Variants in PIK3CB observed in about 807,000 individuals in gnomAD.
PIK3CB encodes phosphatidylinositol 4,5-bisphosphate 3-kinase catalytic subunit beta isoform.
PIK3CB carries 39 observed loss-of-function variants against 136.8 expected under a neutral mutation model. The ratio of observed to expected loss-of-function variants is 0.29; its 90% confidence interval spans 0.22 to 0.37. The LOEUF (loss-of-function observed/expected upper bound fraction) is 0.37. PIK3CB is among the 10% of genes least tolerant of loss of function. The probability of loss-of-function intolerance (pLI) is 1.00; values close to 1 mark genes in which losing one functional copy is unlikely to be tolerated. For synonymous variants in PIK3CB, 428 were observed against 436.6 expected (o/e 0.98, Z 0.25); for missense variants, 868 against 1,275.4 (o/e 0.68, Z 4.87).
intron 2 of PIK3CB, chr3:138,777,741 C>CT (rs2045876255): frequency 6.5e-6 from 1 of 153,828 alleles, no homozygotes; most frequent in East Asian, 1.9e-4. Context: ...TCATTTTTTT[C>CT]TTAAAAAAAA....
chr3:138,821,052 T>A (rs537836062), intron 1 of PIK3CB, among the ~76,000 whole-genome samples: 2 of 151,680 alleles, frequency 1.3e-5, no homozygotes, highest in African/African-American at 4.8e-5. Flanking sequence ...TTTGGGAGGC[T>A]GAGGCGGGCA....
At chr3:138,695,625 A>T (rs2044119626) in intron 13 of PIK3CB, among the ~76,000 whole-genome samples, 1 of 152,184 alleles carries the variant, frequency 6.6e-6, no homozygotes, top group Non-Finnish European at 1.5e-5. Context: ...AAGTTAACTA[A>T]TTTTTTAAAA....
intron 14 of PIK3CB, among the ~76,000 whole-genome samples, chr3:138,691,619 C>G (rs1265545363): frequency 6.6e-6 from 1 of 152,114 alleles, no homozygotes; most frequent in African/African-American, 2.4e-5. Context: ...ATGGTACTTG[C>G]TTCTCCTTCG....
chr3:138,756,609 C>T (rs575503675), intron 3 of PIK3CB, among the ~76,000 whole-genome samples: 1 of 152,196 alleles, frequency 6.6e-6, no homozygotes, highest in Admixed American at 6.5e-5. Context: ...AAGAAGTTCA[C>T]CACACAAAAA....
intron 19 of PIK3CB, among the ~76,000 whole-genome samples, chr3:138,672,929 A>AAGAG (rs778144963): frequency 7.0e-6 from 1 of 143,136 alleles, no homozygotes; most frequent in Admixed American, 7.0e-5. Context: ...AAAAAAAAAA[A>AAGAG]AGAGAGAGAG....
Position 138,734,730 on chromosome 3 carries a change from C to T in PIK3CB, c.876G>A (p.Met292Ile), listed in dbSNP as rs767606437. The change falls in exon 7 of 24, where the codon ATG becomes ATA. Residue 292 changes from methionine (M) to isoleucine (I), a missense_variant. Coordinates refer to ENST00000674063, the MANE Select transcript of PIK3CB (RefSeq NM_006219.3). ...CTATGGCAATCATTTCTTGTTCATACATTTTCTTGATCTTGCAGCATTCCA... is the reference window on the plus strand; with the variant it reads ...CTATGGCAATCATTTCTTGTTCATATATTTTCTTGATCTTGCAGCATTCCA... Reference protein sequence around the residue: ...ILVECCKIKKMYEQEMIAIEA... With the variant: ...ILVECCKIKKIYEQEMIAIEA... 6.8e-6 allele frequency: 11 copies of T among 1,613,014 alleles called. No homozygotes were observed. In the Admixed American group the frequency reaches 1.5e-4, roughly 22 times the overall value.
chr3:138,689,041 G>T (rs1463096305), intron 15 of PIK3CB, 67 bp from the exon 16 acceptor site: 3 of 901,912 alleles, frequency 3.3e-6, no homozygotes, highest in South Asian at 1.4e-5. Flanking sequence ...AATAAATACT[G>T]ACTTCTTTAT....
At chr3:138,661,020 T>C (rs756102942) in intron 21 of PIK3CB, among the ~76,000 whole-genome samples, 12 of 152,190 alleles carry the variant, frequency 7.9e-5, no homozygotes, top group Non-Finnish European at 1.8e-4. Context: ...ATTTCTAGAA[T>C]AGAATCACCT....
intron 15 of PIK3CB, among the ~76,000 whole-genome samples, chr3:138,690,240 A>G (rs2043979456): frequency 6.6e-6 from 1 of 151,892 alleles, no homozygotes; most frequent in Non-Finnish European, 1.5e-5. Flanking sequence ...AAGAAAAAAG[A>G]AGAAAAGAAG....
At chr3:138,775,473 G>GT (rs2045847297) in intron 2 of PIK3CB, among the ~76,000 whole-genome samples, 1 of 152,150 alleles carries the variant, frequency 6.6e-6, no homozygotes, top group African/African-American at 2.4e-5. Flanking sequence ...TGATTGCAGT[G>GT]TTTTTTACCT....
At position 138,694,777 on chromosome 3, in the gene PIK3CB, A is replaced by G. The variant is rs372430117; in HGVS notation, c.1892+9T>C. On this transcript the variant is annotated intron_variant, in intron 14 of 23. Coordinates refer to ENST00000674063, the MANE Select transcript of PIK3CB (RefSeq NM_006219.3). ...CCTTGCCCCAAAGAAAACCACCTGCAGAAGATACCTCATCTGTCGCAGGCA... is the reference window on the plus strand; with the variant it reads ...CCTTGCCCCAAAGAAAACCACCTGCGGAAGATACCTCATCTGTCGCAGGCA... 1.3e-5 allele frequency: 21 copies of G among 1,611,086 alleles called. 1 individual carries two copies. The highest frequency in any genetic ancestry group is 8.9e-5 in the South Asian group (8 of 90,382).
At chr3:138,809,819 G>T (rs1211852777) in intron 1 of PIK3CB, among the ~76,000 whole-genome samples, 2 of 152,054 alleles carry the variant, frequency 1.3e-5, no homozygotes, top group East Asian at 1.9e-4. Flanking sequence ...TGTTCTATCA[G>T]CTGAGAGAGC....
chr3:138,788,186 G>C (rs1394050671), intron 2 of PIK3CB, among the ~76,000 whole-genome samples: 2 of 151,712 alleles, frequency 1.3e-5, no homozygotes, highest in African/African-American at 4.8e-5. Context: ...GCCTCCCAAA[G>C]TACTGGGATT....
At chr3:138,722,028 T>C (rs2044735544) in intron 8 of PIK3CB, among the ~76,000 whole-genome samples, 1 of 152,076 alleles carries the variant, frequency 6.6e-6, no homozygotes, top group Admixed American at 6.5e-5. Flanking sequence ...GTCCACTAGG[T>C]GTAGGGCAAG....
At chr3:138,830,675 G>A (rs538907508) in intron 1 of PIK3CB, among the ~76,000 whole-genome samples, 24 of 151,734 alleles carry the variant, frequency 1.6e-4, no homozygotes, top group Non-Finnish European at 3.2e-4. Flanking sequence ...CGAGATGGGC[G>A]GATCACGAGG....
At chr3:138,683,643 C>T (rs548174864) in intron 18 of PIK3CB, 35 bp downstream of exon 18, 3 of 1,103,274 alleles carry the variant, frequency 2.7e-6, no homozygotes, top group Non-Finnish European at 4.2e-6. Context: ...ATGAAAAATT[C>T]TAAGAAATTT....
rs201051343 is a variant in PIK3CB, at chr3:138,682,038, T to C, written c.2433A>G (p.Arg811=). 6.2e-4 allele frequency: 993 copies of C among 1,609,366 alleles called. 13 individuals are homozygous for C. The South Asian group carries it at 8.1e-3, about 13-fold the overall frequency. Residue 811 remains arginine, a synonymous_variant, in exon 19 of 24, where the codon CGA becomes CGG. Coordinates refer to ENST00000674063, the MANE Select transcript of PIK3CB (RefSeq NM_006219.3). ...ACATTTGGAGTGTCAACATATCCTGTCGTAAATCTAAGGGAAAACAAACTG... is the reference window on the plus strand; with the variant it reads ...ACATTTGGAGTGTCAACATATCCTGCCGTAAATCTAAGGGAAAACAAACTG... The part of the protein sequence containing the change: ...GVIFKNGDDL[R]QDMLTLQMLR...
intron 16 of PIK3CB, among the ~76,000 whole-genome samples, chr3:138,688,381 G>C (rs1577074086): frequency 6.6e-6 from 1 of 151,316 alleles, no homozygotes; most frequent in Admixed American, 6.6e-5. Context: ...CATGCCTGTA[G>C]TCCCAGCTAC....
intron 10 of PIK3CB, among the ~76,000 whole-genome samples, chr3:138,709,069 C>A (rs552878890): frequency 1.3e-5 from 2 of 150,158 alleles, no homozygotes; most frequent in Non-Finnish European, 2.9e-5. Context: ...ACATGTGAAC[C>A]ACCATATGTG....
Sources: allele counts gnomAD v4.1 joint callset (sites outside exome capture counted in the v4.1 genomes callset), GRCh38; gene constraint gnomAD v4.1.1; transcripts MANE v1.5; gene names NCBI Gene and HGNC (gene_info 2026-07-23, HGNC 2026-07-21).